The following SMARCA2 variants were observed in gnomAD, a reference collection of about 807,000 sequenced individuals.
SMARCA2 encodes the protein SWI/SNF-related matrix-associated actin-dependent regulator of chromatin subfamily A member 2.
SMARCA2 carries 61 observed loss-of-function variants against 199.8 expected under a neutral mutation model. The observed-to-expected ratio is 0.31, with a 90% CI of 0.25 to 0.38. The LOEUF is 0.38. Among genes scored for constraint, SMARCA2 ranks in the 10% least tolerant of loss-of-function variants. The pLI, the probability that SMARCA2 is intolerant of heterozygous loss-of-function variation, is 1.00. For synonymous variants in SMARCA2, 935 were observed against 732.0 expected, an observed-to-expected ratio of 1.28 and a Z score of -4.48; for missense variants, 1,344 against 2,012.2, an observed-to-expected ratio of 0.67 and a Z score of 6.35.
At chr9:2,160,290 G>GT in intron 27 of SMARCA2, 1 of 412,290 alleles carries the variant, frequency 2.4e-6, no homozygotes, top group Non-Finnish European at 4.3e-6. Context: ...TCTGAACACT[G>GT]TAGGATCGTG....
At chr9:2,155,200 T>C (rs1193922217) in intron 27 of SMARCA2, among the ~76,000 whole-genome samples, 2 of 152,236 alleles carry the variant, frequency 1.3e-5, no homozygotes, top group African/African-American at 4.8e-5. Flanking sequence ...ATAGAGTATA[T>C]TGTGTTTAAT....
intron 24 of SMARCA2, among the ~76,000 whole-genome samples, chr9:2,114,824 G>T (rs1344101176): frequency 6.6e-6 from 1 of 152,144 alleles, no homozygotes; most frequent in Non-Finnish European, 1.5e-5. Context: ...ATCACCTGGA[G>T]ATTTACGTTG....
intron 5 of SMARCA2, among the ~76,000 whole-genome samples, chr9:2,052,500 C>T (rs765262356): frequency 2.0e-5 from 3 of 152,104 alleles, no homozygotes; most frequent in African/African-American, 4.8e-5. Flanking sequence ...AAAACAATAA[C>T]GACAGCACGG....
chr9:2,073,164 G>A (rs112097618), intron 10 of SMARCA2, 48 bp from the exon 11 acceptor site: 3 of 1,610,432 alleles, frequency 1.9e-6, no homozygotes, highest in Non-Finnish European at 2.5e-6. Flanking sequence ...ACAGGACTGG[G>A]GGAAGGTCTT....
At chr9:2,090,746 GC>G (rs557171470) in intron 19 of SMARCA2, among the ~76,000 whole-genome samples, 17 of 152,112 alleles carry the variant, frequency 1.1e-4, no homozygotes, top group Middle Eastern at 6.8e-3. Flanking sequence ...CCTTCCGGTA[GC>G]CCCCCCACAT....
rs770913956 is a variant in SMARCA2 at position 2,123,835 on chromosome 9, G to A, written c.3879G>A (p.Arg1293=). ...TTAAGGATGACGCTGAAGTAGAAAG[G>A]CTCACCTGTGAAGAAGAGGAGGAGA... The part of the protein sequence containing the change: ...WIIKDDAEVE[R]LTCEEEEEKI... Residue 1293 remains arginine, a synonymous_variant, in exon 27 of 34, where the codon AGG becomes AGA. Transcript: ENST00000349721. The surrounding 1 kb of genome is among the most constrained non-coding windows in gnomAD (Gnocchi z 4.1). 2.4e-5 allele frequency: 39 copies of A among 1,612,422 alleles called. No homozygotes were observed. Among genetic ancestry groups the A allele is most frequent in the Non-Finnish European group, 3.0e-5 (35 of 1,179,410 alleles).
intron 27 of SMARCA2, among the ~76,000 whole-genome samples, chr9:2,156,414 C>CTTTTTTTTTTTTTTTT (rs57161267): frequency 5.8e-5 from 4 of 69,148 alleles, no homozygotes; most frequent in African/African-American, 2.1e-4. Context: ...CCATTTTAGA[C>CTTTTTTTTTTTTTTTT]TTTTTTTTTT....
At chr9:2,185,320 G>C (rs754733568) in intron 31 of SMARCA2, among the ~76,000 whole-genome samples, 2 of 152,168 alleles carry the variant, frequency 1.3e-5, no homozygotes, top group South Asian at 4.1e-4. Context: ...TGGACTTAGC[G>C]TAACAATCCT....
intron 9 of SMARCA2, among the ~76,000 whole-genome samples, chr9:2,067,398 C>G (rs1191364772): frequency 6.6e-6 from 1 of 152,192 alleles, no homozygotes; most frequent in African/African-American, 2.4e-5. Flanking sequence ...AATCCCTGAC[C>G]TCATAGCCTT....
chr9:2,065,168 G>C (rs1586665330), intron 9 of SMARCA2, among the ~76,000 whole-genome samples: 2 of 152,086 alleles, frequency 1.3e-5, no homozygotes, highest in Admixed American at 1.3e-4. Context: ...CTGGGCGACA[G>C]AGCGAGACTC....
At chr9:2,079,615 G>T (rs903154015) in intron 14 of SMARCA2, among the ~76,000 whole-genome samples, 3 of 152,096 alleles carry the variant, frequency 2.0e-5, no homozygotes, top group African/African-American at 7.2e-5. Context: ...GATCTTGGGG[G>T]GCCCTGAGAA....
At chr9:2,065,430 G>C (rs1368691757) in intron 9 of SMARCA2, among the ~76,000 whole-genome samples, 3 of 152,088 alleles carry the variant, frequency 2.0e-5, no homozygotes, top group African/African-American at 7.2e-5. Context: ...CTTTCTGAAA[G>C]TTCTTTTATC....
At chr9:2,071,438 A>G (rs562662237) in intron 10 of SMARCA2, among the ~76,000 whole-genome samples, 1 of 152,370 alleles carries the variant, frequency 6.6e-6, no homozygotes, top group African/African-American at 2.4e-5. Context: ...AATTTGCAAA[A>G]GCCCAGCCTT....
chr9:2,177,709 C>T (rs12685032), intron 29 of SMARCA2, among the ~76,000 whole-genome samples: 8,722 of 151,994 alleles, frequency 0.057, 371 homozygotes, highest in East Asian at 0.19. Context: ...TGCGCCACCA[C>T]ACCCAGCTAA....
chr9:2,130,304 T>C (rs1247720967), intron 27 of SMARCA2, among the ~76,000 whole-genome samples: 2 of 152,240 alleles, frequency 1.3e-5, no homozygotes, highest in African/African-American at 4.8e-5. Flanking sequence ...GATAGCACCA[T>C]GTGCTGTGGC....
chr9:2,104,162 C>T lies in SMARCA2; in HGVS notation c.3285C>T (p.Arg1095=), dbSNP rs753839466. 3 of 1,613,572 alleles carry T rather than the reference C, an allele frequency of 1.9e-6. No homozygotes were observed. Among genetic ancestry groups the T allele is most frequent in the Admixed American group, 1.7e-5 (1 of 59,998 alleles). The change falls in exon 23 of 34, where the codon CGC becomes CGT. Residue 1095 remains arginine (R), a synonymous_variant. Transcript: ENST00000349721. This position sits in a 1 kb window ranked among gnomAD's most constrained non-coding sequence, Gnocchi z 4.0. ...CTTTTCGGAACTTCCTTTACCTACG[C>T]CTTGATGGTAAGTGCATAAGGCATT... ...YFAFRNFLYL[R]LDGTTKSEDR...
intron 27 of SMARCA2, among the ~76,000 whole-genome samples, chr9:2,142,423 C>G (rs1824507759): frequency 6.6e-6 from 1 of 152,104 alleles, no homozygotes; most frequent in South Asian, 2.1e-4. Flanking sequence ...CTTGCTTAAA[C>G]TGGCCTGTTT....
intron 3 of SMARCA2, 137 bp downstream of exon 3, chr9:2,033,218 A>G: frequency 1.1e-6 from 1 of 904,408 alleles, no homozygotes; most frequent in Non-Finnish European, 1.7e-6. Context: ...CCTTATGGAA[A>G]TCTACCTCCG....
intron 5 of SMARCA2, 28 bp from the exon 6 acceptor site, chr9:2,054,569 C>T (rs749422429): frequency 1.9e-6 from 3 of 1,601,764 alleles, no homozygotes; most frequent in Admixed American, 1.7e-5. Flanking sequence ...CCCCTGCCCC[C>T]TTTTCCCCAT....
Sources: allele counts gnomAD v4.1 joint callset (sites outside exome capture counted in the v4.1 genomes callset), GRCh38; gene constraint gnomAD v4.1.1; non-coding constraint Gnocchi (gnomAD v3.1); transcripts MANE v1.5; gene names NCBI Gene and HGNC (gene_info 2026-07-23, HGNC 2026-07-21).